The following NRG3 variants were observed in gnomAD, a reference collection of about 807,000 sequenced individuals.
The protein encoded by NRG3 is neuregulin 3, also known as pro-neuregulin-3, membrane-bound isoform.
NRG3 carries 31 observed loss-of-function variants against 66.9 expected under a neutral mutation model. That is an observed-to-expected ratio of 0.46 (90% confidence interval 0.35 to 0.63). The LOEUF (loss-of-function observed/expected upper bound fraction) is 0.63, where lower values mean the gene tolerates loss of function less well. Among genes scored for constraint, NRG3 ranks in the 20% least tolerant of loss-of-function variants. The pLI is 0.00. For missense variants in NRG3, 910 were observed against 878.9 expected (o/e 1.04, Z -0.45); for synonymous variants, 393 against 359.4 (o/e 1.09, Z -1.06).
intron 2 of NRG3, among the ~76,000 whole-genome samples, chr10:82,400,337 T>C (rs2086998416): frequency 6.6e-6 from 1 of 152,134 alleles, no homozygotes; most frequent in East Asian, 1.9e-4. Flanking sequence ...TTAAATTGCA[T>C]AGGTGAGAAT....
intron 1 of NRG3, among the ~76,000 whole-genome samples, chr10:82,118,136 T>A (rs758932118): frequency 6.6e-6 from 1 of 151,746 alleles, no homozygotes; most frequent in Non-Finnish European, 1.5e-5. Flanking sequence ...TTGTCTACCC[T>A]CTGGTAGCTG....
At chr10:82,208,792 AT>A (rs1453201297) in intron 1 of NRG3, among the ~76,000 whole-genome samples, 2 of 152,174 alleles carry the variant, frequency 1.3e-5, no homozygotes, top group East Asian at 3.8e-4. Context: ...TTACTAAAAT[AT>A]GGCAACTGCT....
intron 2 of NRG3, among the ~76,000 whole-genome samples, chr10:82,475,961 A>G (rs532168306): frequency 6.6e-6 from 1 of 152,312 alleles, no homozygotes; most frequent in East Asian, 1.9e-4. Flanking sequence ...GTTAAGGTCC[A>G]AAATATATAG....
chr10:82,653,983 C>T (rs569507300), intron 2 of NRG3, among the ~76,000 whole-genome samples: 259 of 152,284 alleles, frequency 1.7e-3, no homozygotes, highest in African/African-American at 5.9e-3. Flanking sequence ...CAACGAGACT[C>T]TGTGGCAGCC....
intron 2 of NRG3, among the ~76,000 whole-genome samples, chr10:82,482,915 A>G (rs1291925031): frequency 6.6e-6 from 1 of 152,166 alleles, no homozygotes; most frequent in African/African-American, 2.4e-5. Flanking sequence ...GAGTGAACCA[A>G]AATGAGCCTT....
intron 1 of NRG3, among the ~76,000 whole-genome samples, chr10:82,059,117 A>G (rs1001194023): frequency 2.6e-5 from 4 of 152,208 alleles, no homozygotes; most frequent in African/African-American, 9.6e-5. Flanking sequence ...GCCGGACAGG[A>G]ACAAGGGCCA....
chr10:82,190,555 A>G (rs1020017294), intron 1 of NRG3, among the ~76,000 whole-genome samples: 1 of 152,164 alleles, frequency 6.6e-6, no homozygotes, highest in Admixed American at 6.5e-5. Context: ...AACAGCATTT[A>G]CTCATTTAAT....
At chr10:82,222,010 A>G (rs1414436958) in intron 1 of NRG3, among the ~76,000 whole-genome samples, 1 of 151,658 alleles carries the variant, frequency 6.6e-6, no homozygotes, top group Non-Finnish European at 1.5e-5. Context: ...GCCTGACATG[A>G]CATTGCTCAC....
intron 2 of NRG3, among the ~76,000 whole-genome samples, chr10:82,736,611 C>A (rs976904211): frequency 3.9e-5 from 6 of 152,194 alleles, no homozygotes; most frequent in Non-Finnish European, 8.8e-5. Flanking sequence ...TTTCCTGATA[C>A]CCCATGAGGC....
At chr10:82,417,839 C>G (rs758301191) in intron 2 of NRG3, among the ~76,000 whole-genome samples, 3 of 152,128 alleles carry the variant, frequency 2.0e-5, no homozygotes, top group Non-Finnish European at 4.4e-5. Context: ...GTGCACTGGC[C>G]TTGTAACATC....
At chr10:82,267,412 T>C (rs1490543009) in intron 1 of NRG3, among the ~76,000 whole-genome samples, 1 of 152,158 alleles carries the variant, frequency 6.6e-6, no homozygotes, top group Non-Finnish European at 1.5e-5. Context: ...GGATGTGTGA[T>C]CCAGTGGCAG....
At chr10:82,521,380 G>A (rs369511029) in intron 2 of NRG3, among the ~76,000 whole-genome samples, 4 of 151,978 alleles carry the variant, frequency 2.6e-5, no homozygotes, top group Admixed American at 6.6e-5. Context: ...TCGCACTGTC[G>A]CCCAGGCTGC....
At chr10:82,948,944 T>C (rs1849270995) in intron 4 of NRG3, among the ~76,000 whole-genome samples, 1 of 152,164 alleles carries the variant, frequency 6.6e-6, no homozygotes, top group African/African-American at 2.4e-5. Flanking sequence ...TGGTACAGTG[T>C]TGACCAGAAG....
At chr10:82,059,047 A>G (rs1242962424) in intron 1 of NRG3, among the ~76,000 whole-genome samples, 2 of 152,170 alleles carry the variant, frequency 1.3e-5, no homozygotes, top group Non-Finnish European at 2.9e-5. Context: ...TTGAAAAACT[A>G]AAACAGTAGT....
intron 1 of NRG3, among the ~76,000 whole-genome samples, chr10:82,053,661 G>A (rs1345874383): frequency 6.6e-6 from 1 of 152,120 alleles, no homozygotes; most frequent in Non-Finnish European, 1.5e-5. Flanking sequence ...CAAATTCCTG[G>A]CCTCTTGGAA....
At chr10:82,006,791 C>T (rs1315390693) in intron 1 of NRG3, among the ~76,000 whole-genome samples, 4 of 152,100 alleles carry the variant, frequency 2.6e-5, no homozygotes, top group Non-Finnish European at 5.9e-5. Flanking sequence ...ACTTTTGTTC[C>T]TGTGTCTATT....
intron 1 of NRG3, among the ~76,000 whole-genome samples, chr10:82,280,047 G>A (rs2079051852): frequency 6.6e-6 from 1 of 152,104 alleles, no homozygotes; most frequent in Non-Finnish European, 1.5e-5. Flanking sequence ...CCAGTGGGCA[G>A]GGGGATCAGT....
At chr10:81,982,935 T>G (rs533052307) in intron 1 of NRG3, among the ~76,000 whole-genome samples, 1 of 152,318 alleles carries the variant, frequency 6.6e-6, no homozygotes, top group Admixed American at 6.5e-5. Context: ...GGAAGAAGCA[T>G]AGCTTTAGCC....
intron 1 of NRG3, among the ~76,000 whole-genome samples, chr10:82,113,459 A>G (rs1468199319): frequency 6.6e-6 from 1 of 152,184 alleles, no homozygotes; most frequent in Non-Finnish European, 1.5e-5. Flanking sequence ...TAATGTGATT[A>G]GATGCAACCG....
Sources: gnomAD v4.1 joint callset for allele counts (sites outside exome capture counted in the v4.1 genomes callset) on GRCh38, gnomAD v4.1.1 for gene constraint, MANE v1.5 for transcripts, NCBI Gene and HGNC (gene_info 2026-07-23, HGNC 2026-07-21) for gene names.